The following TESK2 variants were observed in gnomAD, a reference collection of about 807,000 sequenced individuals.
TESK2 encodes dual specificity testis-specific protein kinase 2.
TESK2 carries 39 observed loss-of-function variants against 57.1 expected under a neutral mutation model. The observed-to-expected ratio is 0.68, with a 90% confidence interval of 0.53 to 0.89. TESK2 has a LOEUF of 0.89. Among genes scored for constraint, TESK2 ranks in the 40% least tolerant of loss-of-function variants. TESK2 has a pLI of 0.00. For synonymous variants in TESK2, 249 were observed against 267.9 expected, an observed-to-expected ratio of 0.93 and a Z score of 0.69; for missense variants, 646 against 732.1, an observed-to-expected ratio of 0.88 and a Z score of 1.36.
At position 45,381,758 on chromosome 1, in the gene TESK2, T is replaced by TAA. The variant is rs754532156; in HGVS notation, c.393+4152_393+4153dup. On this transcript the variant is annotated intron_variant, in intron 4 of 10. Transcript: ENST00000372086. ...CAATACACAGAATTATATTTTCTGT[T>TAA]AAAAAAAAAACAAAGATTTACACTT... 4.1e-5 allele frequency among the ~76,000 whole-genome samples: 6 copies of TAA among 144,768 alleles called. No homozygotes were observed. In the East Asian group the frequency reaches 1.2e-3, roughly 29 times the overall value. 95.0% of individuals were successfully genotyped at this position (144,768 alleles called of 152,430 possible). A position where few individuals can be genotyped will look rare whatever the true frequency, so the allele number is the denominator to read the frequency against.
At position 45,384,611 on chromosome 1, in the gene TESK2, T is replaced by TTTA. The variant is rs79783320; in HGVS notation, c.393+1300_393+1301insTAA. On this transcript the variant is annotated intron_variant, in intron 4 of 10. Transcript: ENST00000372086. ...ATTATTAATTTTTTTTTTTTTTTTT[T>TTTA]TTTTTTTTTTTTTTTGTAGAGACAG... is the stretch of plus-strand genomic sequence containing the variant. Among the ~76,000 whole-genome samples the TTTA allele has an allele frequency of 1.1e-3, 136 of 129,478 alleles. 1 individual carries two copies. The highest frequency in any genetic ancestry group is 2.5e-3 in the African/African-American group (82 of 33,026). 84.9% of individuals were successfully genotyped at this position (129,478 alleles called of 152,430 possible).
rs144618937 is a variant in TESK2 at position 45,364,263 on chromosome 1, G to C, written c.394-8814C>G. Among the ~76,000 whole-genome samples the C allele has an allele frequency of 2.6e-5, 4 of 152,226 alleles. No homozygotes were observed. In the East Asian group the frequency reaches 5.8e-4, roughly 22 times the overall value. On this transcript the variant is annotated intron_variant, in intron 4 of 10. Transcript: ENST00000372086. The stretch of plus-strand genomic sequence containing the variant: ...TGCCAATGTAATCAAGTTAAGATGA[G>C]GTCACATTGGAGTAGGGCAGGCCCT...
intron 3 of TESK2, among the ~76,000 whole-genome samples, chr1:45,415,527 G>A (rs1426287066): frequency 6.6e-6 from 1 of 151,990 alleles, no homozygotes; most frequent in African/African-American, 2.4e-5. Flanking sequence ...TTAAGTTTAT[G>A]ATTACGAAAT....
At chr1:45,388,033 T>C (rs189969307) in intron 3 of TESK2, among the ~76,000 whole-genome samples, 41 of 152,224 alleles carry the variant, frequency 2.7e-4, no homozygotes, top group Admixed American at 2.7e-3. Flanking sequence ...GATTAATTAA[T>C]TAATAATAAA....
At chr1:45,392,027 A>G (rs1649162259) in intron 3 of TESK2, among the ~76,000 whole-genome samples, 1 of 152,230 alleles carries the variant, frequency 6.6e-6, no homozygotes, top group South Asian at 2.1e-4. Context: ...AATGTTAGCT[A>G]TTCTTGCTAA....
chr1:45,368,410 C>T (rs1648035241), intron 4 of TESK2, among the ~76,000 whole-genome samples: 1 of 150,732 alleles, frequency 6.6e-6, no homozygotes, highest in Non-Finnish European at 1.5e-5. Flanking sequence ...AGTCCCGCTC[C>T]ATTGCCCAGG....
chr1:45,345,165 A>G lies in TESK2; in HGVS notation c.1391T>C (p.Leu464Ser). The G allele has an allele frequency of 6.2e-7, 1 of 1,614,186 alleles. No individual in the cohort carries two copies. Reference protein sequence around the residue: ...WRSLPGSPEFLHQEACPFVGR... With the variant: ...WRSLPGSPEFSHQEACPFVGR... Reference sequence around the variant, plus strand: ...CACAAATGGACAAGCCTCTTGATGCAAGAACTCAGGCGAACCAGGCAAGGA... The same window carrying G: ...CACAAATGGACAAGCCTCTTGATGCGAGAACTCAGGCGAACCAGGCAAGGA... Residue 464 changes from leucine (L) to serine (S), a missense_variant, in exon 11 of 11, where the codon TTG becomes TCG. Leu to Ser is a moderately radical substitution (Grantham distance 145, BLOSUM62 -2). Coordinates refer to ENST00000372086, the MANE Select transcript of TESK2 (RefSeq NM_007170.3).
chr1:45,471,620 A>T (rs1652766726), intron 1 of TESK2, among the ~76,000 whole-genome samples: 1 of 151,848 alleles, frequency 6.6e-6, no homozygotes, highest in South Asian at 2.1e-4. Flanking sequence ...GTTGGCCAGG[A>T]TGGTCTCAAT....
At chr1:45,417,705 T>C (rs531178652) in intron 3 of TESK2, among the ~76,000 whole-genome samples, 4 of 151,250 alleles carry the variant, frequency 2.6e-5, no homozygotes, top group Non-Finnish European at 5.9e-5. Flanking sequence ...CATTCTCCTG[T>C]CTCAGCCTCC....
chr1:45,480,104 G>A (rs980544097), intron 1 of TESK2, among the ~76,000 whole-genome samples: 4 of 150,296 alleles, frequency 2.7e-5, no homozygotes, highest in African/African-American at 7.3e-5. Flanking sequence ...GATTATAGGC[G>A]TGAGCCACCA....
At chr1:45,454,944 C>T (rs1308119517) in intron 2 of TESK2, among the ~76,000 whole-genome samples, 1 of 151,988 alleles carries the variant, frequency 6.6e-6, no homozygotes, top group Non-Finnish European at 1.5e-5. Flanking sequence ...CTAGAATAAG[C>T]AAATTCATAA....
chr1:45,486,500 C>G (rs1400130093), intron 1 of TESK2, among the ~76,000 whole-genome samples: 1 of 151,616 alleles, frequency 6.6e-6, no homozygotes, highest in Admixed American at 6.6e-5. Flanking sequence ...TGGTGAAACC[C>G]CATCTCTACT....
intron 2 of TESK2, among the ~76,000 whole-genome samples, chr1:45,441,827 C>T (rs1204912961): frequency 1.3e-5 from 2 of 151,732 alleles, no homozygotes; most frequent in Non-Finnish European, 2.9e-5. Flanking sequence ...ATGTTGGCCA[C>T]GCTGCTCTCG....
intron 4 of TESK2, among the ~76,000 whole-genome samples, chr1:45,367,708 A>C (rs1647990193): frequency 7.1e-6 from 1 of 141,080 alleles, no homozygotes; most frequent in African/African-American, 2.7e-5. Flanking sequence ...CCCAGGCTGC[A>C]GTGCAATGGA....
At chr1:45,355,817 A>G (rs974237689) in intron 4 of TESK2, among the ~76,000 whole-genome samples, 2 of 152,242 alleles carry the variant, frequency 1.3e-5, no homozygotes, top group African/African-American at 4.8e-5. Flanking sequence ...GGAAAGTAGC[A>G]CGAAAGACAC....
At chr1:45,352,900 T>G (rs573757037) in intron 5 of TESK2, among the ~76,000 whole-genome samples, 1 of 152,174 alleles carries the variant, frequency 6.6e-6, no homozygotes, top group Non-Finnish European at 1.5e-5. Flanking sequence ...TTTCTTTTTT[T>G]TTTTCTTTTT....
chr1:45,347,762 C>A, intron 6 of TESK2, 69 bp from the exon 7 acceptor site: 4 of 1,555,924 alleles, frequency 2.6e-6, no homozygotes, highest in Non-Finnish European at 3.5e-6. Context: ...TTGACCATTC[C>A]TCCACCTCAA....
At chr1:45,482,356 T>C (rs183677970) in intron 1 of TESK2, among the ~76,000 whole-genome samples, 3 of 151,834 alleles carry the variant, frequency 2.0e-5, no homozygotes, top group Admixed American at 2.0e-4. Flanking sequence ...AGTGAGACCA[T>C]GCCTCTACAA....
chr1:45,346,132 G>A, intron 9 of TESK2, 138 bp from the exon 10 acceptor site: 1 of 699,070 alleles, frequency 1.4e-6, no homozygotes, highest in South Asian at 1.7e-5. Flanking sequence ...GACAATGAAG[G>A]TGATCCCTAC....
Sources: gnomAD v4.1 joint callset for allele counts (sites outside exome capture counted in the v4.1 genomes callset) on GRCh38, gnomAD v4.1.1 for gene constraint, MANE v1.5 for transcripts, NCBI Gene and HGNC (gene_info 2026-07-23, HGNC 2026-07-21) for gene names.